The following FBN1 variants were observed in gnomAD, a reference collection of about 807,000 sequenced individuals.
The protein encoded by FBN1 is fibrillin-1.
In FBN1, 29 loss-of-function variants were observed where a neutral mutation model predicts 365.1. The observed-to-expected ratio is 0.08, with a 90% CI of 0.06 to 0.11. The LOEUF (loss-of-function observed/expected upper bound fraction) is 0.11, where lower values mean the gene tolerates loss of function less well. Among genes scored for constraint, FBN1 ranks in the 10% least tolerant of loss-of-function variants. The probability of loss-of-function intolerance (pLI) is 1.00; values close to 1 mark genes in which losing one functional copy is unlikely to be tolerated. For missense variants in FBN1, 2,476 were observed against 3,703.2 expected (o/e 0.67, Z 8.60); for synonymous variants, 1,210 against 1,270.5 (o/e 0.95, Z 1.01).
intron 6 of FBN1, among the ~76,000 whole-genome samples, chr15:48,594,613 G>A (rs1330103052): frequency 1.3e-5 from 2 of 152,124 alleles, no homozygotes; most frequent in Non-Finnish European, 2.9e-5. Context: ...TCAAATCTTT[G>A]AAGAAATCAC....
At chr15:48,474,138 G>T in intron 34 of FBN1, 117 bp downstream of exon 34, 2 of 1,484,006 alleles carry the variant, frequency 1.3e-6, no homozygotes, top group Non-Finnish European at 1.9e-6. Flanking sequence ...AGTGCCAAAT[G>T]ATGAATCTTT....
At chr15:48,464,241 C>T (rs1454817777) in intron 40 of FBN1, among the ~76,000 whole-genome samples, 6 of 152,052 alleles carry the variant, frequency 3.9e-5, no homozygotes, top group Non-Finnish European at 7.4e-5. Context: ...CTGGGCATGG[C>T]GGCTCATGCC....
intron 6 of FBN1, among the ~76,000 whole-genome samples, chr15:48,547,796 T>C (rs537958218): frequency 3.6e-5 from 5 of 139,020 alleles, no homozygotes; most frequent in African/African-American, 1.3e-4. Context: ...CATGCTAACA[T>C]ACTATCAAGG....
intron 6 of FBN1, 90 bp from the exon 7 acceptor site, chr15:48,537,898 C>T: frequency 3.1e-6 from 4 of 1,295,114 alleles, no homozygotes; most frequent in Non-Finnish European, 3.3e-6. Context: ...TGCTTGACTC[C>T]AAATTGAGAA....
At position 48,644,623 on chromosome 15, in the gene FBN1, T is replaced by C. The variant is rs1267897151; in HGVS notation, c.147A>G (p.Gly49=). The C allele has an allele frequency of 1.2e-6, 2 of 1,614,116 alleles. No individual in the cohort carries two copies. Among genetic ancestry groups the C allele is most frequent in the Non-Finnish European group, 1.7e-6 (2 of 1,180,032 alleles). The part of the protein sequence containing the change: ...ASRAKRRGGG[G]HDALKGPNVC... ...TCCTTTACCCTTTAAGCGCGTCGTGTCCTCCACCGCCTCTTCTCTTGGCCC... is the reference window on the plus strand; with the variant it reads ...TCCTTTACCCTTTAAGCGCGTCGTGCCCTCCACCGCCTCTTCTCTTGGCCC... Residue 49 remains glycine (G), a synonymous_variant, in exon 2 of 66, where the codon GGA becomes GGG. Transcript: ENST00000316623.
intron 34 of FBN1, among the ~76,000 whole-genome samples, chr15:48,473,909 C>A (rs1165705777): frequency 1.3e-5 from 2 of 151,986 alleles, no homozygotes; most frequent in Non-Finnish European, 2.9e-5. Flanking sequence ...GATATATATG[C>A]CAATTGTAAC....
At chr15:48,449,107 GGTAA>G (rs1402250469) in intron 45 of FBN1, among the ~76,000 whole-genome samples, 3 of 152,050 alleles carry the variant, frequency 2.0e-5, no homozygotes, top group Non-Finnish European at 2.9e-5. Context: ...AAAAAATAAG[GGTAA>G]GTAATCAAAA....
At position 48,414,894 on chromosome 15, in the gene FBN1, TAA is replaced by T. The variant is rs11299662; in HGVS notation, c.8051+640_8051+641del. ...CTGGGCGACAGAGCAAGACTCCGTC[TAA>T]AAAAAAAAAAAAAAGGCCTTCCCTG... On this transcript the variant is annotated intron_variant, in intron 64 of 65. Transcript: ENST00000316623. 0.032 allele frequency among the ~76,000 whole-genome samples: 4,356 copies of T among 137,074 alleles called. 95 individuals carry two copies. The highest frequency in any genetic ancestry group is 0.08 in the East Asian group (383 of 4,774). 89.9% of individuals were successfully genotyped at this position (137,074 alleles called of 152,430 possible).
At chr15:48,520,892 A>C (rs1417002825) in intron 9 of FBN1, 75 bp from the exon 10 acceptor site, 1 of 1,594,834 alleles carries the variant, frequency 6.3e-7, no homozygotes. Flanking sequence ...CTGCCCGAGC[A>C]GCTCCATACT....
chr15:48,631,657 G>A (rs980443490), intron 2 of FBN1, among the ~76,000 whole-genome samples: 22 of 152,122 alleles, frequency 1.4e-4, no homozygotes, highest in Admixed American at 6.6e-4. Flanking sequence ...GGAGTTCTCC[G>A]CGAGATCTGA....
chr15:48,609,660 C>A (rs1467254020), intron 4 of FBN1, among the ~76,000 whole-genome samples: 1 of 152,176 alleles, frequency 6.6e-6, no homozygotes, highest in African/African-American at 2.4e-5. Flanking sequence ...AGTCTGCTTC[C>A]AGGTCCACTA....
chr15:48,421,820 G>A, intron 61 of FBN1, 132 bp downstream of exon 61: 1 of 1,182,456 alleles, frequency 8.5e-7, no homozygotes, highest in Non-Finnish European at 1.2e-6. Flanking sequence ...ATGTACAGGT[G>A]TGCTCACACA....
intron 36 of FBN1, among the ~76,000 whole-genome samples, chr15:48,469,840 G>C (rs1320643234): frequency 1.3e-5 from 2 of 152,130 alleles, no homozygotes; most frequent in Non-Finnish European, 2.9e-5. Flanking sequence ...GGAAAACCAA[G>C]GGAAGAATGT....
chr15:48,540,723 T>C (rs2044051764), intron 6 of FBN1, among the ~76,000 whole-genome samples: 1 of 152,166 alleles, frequency 6.6e-6, no homozygotes, highest in Non-Finnish European at 1.5e-5. Context: ...AAACTCTCCA[T>C]GTTAGGTAAC....
intron 2 of FBN1, among the ~76,000 whole-genome samples, chr15:48,631,659 G>A (rs1157143246): frequency 2.0e-5 from 3 of 152,114 alleles, no homozygotes; most frequent in Admixed American, 1.3e-4. Flanking sequence ...AGTTCTCCGC[G>A]AGATCTGACA....
chr15:48,564,031 C>T (rs1386548161), intron 6 of FBN1, among the ~76,000 whole-genome samples: 1 of 152,072 alleles, frequency 6.6e-6, no homozygotes, highest in African/African-American at 2.4e-5. Context: ...TGCACTTCAC[C>T]CTTTCTCTTT....
intron 24 of FBN1, among the ~76,000 whole-genome samples, chr15:48,492,068 CA>C (rs1195942231): frequency 2.6e-5 from 4 of 152,160 alleles, no homozygotes; most frequent in Non-Finnish European, 5.9e-5. Context: ...CTGATCTCCA[CA>C]GGTGTTTTTG....
At chr15:48,639,998 C>T (rs911363893) in intron 2 of FBN1, among the ~76,000 whole-genome samples, 1 of 152,080 alleles carries the variant, frequency 6.6e-6, no homozygotes, top group Non-Finnish European at 1.5e-5. Context: ...TAGTATTTTG[C>T]TTGATTAGAG....
chr15:48,484,257 T>C (rs1346876204), intron 30 of FBN1, among the ~76,000 whole-genome samples: 3 of 152,216 alleles, frequency 2.0e-5, no homozygotes, highest in African/African-American at 7.2e-5. Flanking sequence ...ATTTTCCCTA[T>C]TGTCAAATTA....
Sources: allele counts gnomAD v4.1 joint callset (sites outside exome capture counted in the v4.1 genomes callset), GRCh38; gene constraint gnomAD v4.1.1; transcripts MANE v1.5; gene names NCBI Gene and HGNC (gene_info 2026-07-23, HGNC 2026-07-21).